Variants in DPYSL3 observed in about 807,000 individuals in gnomAD.
DPYSL3 encodes the protein dihydropyrimidinase like 3.
In DPYSL3, 16 loss-of-function variants were observed where a neutral mutation model predicts 66.1. The ratio of observed to expected loss-of-function variants is 0.24; its 90% confidence interval spans 0.16 to 0.37. The LOEUF (loss-of-function observed/expected upper bound fraction) is 0.37, where lower values mean the gene tolerates loss of function less well. Ranked by LOEUF, DPYSL3 falls within the 10% of genes least tolerant of loss-of-function variation. DPYSL3 has a pLI of 1.00. For synonymous variants in DPYSL3, 338 were observed against 345.1 expected (o/e 0.98, Z 0.23); for missense variants, 738 against 916.2 (o/e 0.81, Z 2.51).
chr5:147,464,611 G>A (rs1376785254), intron 1 of DPYSL3, among the ~76,000 whole-genome samples: 2 of 152,176 alleles, frequency 1.3e-5, no homozygotes, highest in African/African-American at 4.8e-5. Flanking sequence ...GTTCTTATAT[G>A]TACTAACTTG....
chr5:147,459,843 G>A (rs532587076), intron 1 of DPYSL3, among the ~76,000 whole-genome samples: 1 of 152,348 alleles, frequency 6.6e-6, no homozygotes, highest in South Asian at 2.1e-4. Context: ...GGGTGCTGTG[G>A]CTCACGCCTG....
intron 1 of DPYSL3, among the ~76,000 whole-genome samples, chr5:147,487,235 C>T (rs1205196754): frequency 6.6e-6 from 1 of 152,148 alleles, no homozygotes; most frequent in Non-Finnish European, 1.5e-5. Flanking sequence ...CCCCTTTCTC[C>T]TGTCTTTGTT....
chr5:147,475,150 A>G (rs1454677028), intron 1 of DPYSL3, among the ~76,000 whole-genome samples: 2 of 152,058 alleles, frequency 1.3e-5, no homozygotes, highest in African/African-American at 4.8e-5. Context: ...CCTGTAGGGG[A>G]ATGTTCATAG....
chr5:147,486,834 A>T (rs2126442403), intron 1 of DPYSL3, among the ~76,000 whole-genome samples: 1 of 152,326 alleles, frequency 6.6e-6, no homozygotes, highest in African/African-American at 2.4e-5. Context: ...AGATTTCCTG[A>T]ATGGTAAGCA....
rs1350559816 is a variant in DPYSL3, at chr5:147,509,427, G to A, written c.381+51C>T. ...TTGTGCCCGGGCCATGGCGGCCAGGGCTGGAGAAAGGAACGAAGGCAAGGA... is the reference window on the plus strand; with the variant it reads ...TTGTGCCCGGGCCATGGCGGCCAGGACTGGAGAAAGGAACGAAGGCAAGGA... On this transcript the variant is annotated intron_variant, in intron 1 of 13. Transcript: ENST00000343218. This position sits in a 1 kb window ranked among gnomAD's most constrained non-coding sequence, Gnocchi z 5.3. 5.5e-6 allele frequency: 8 copies of A among 1,460,904 alleles called. No homozygotes were observed. The highest frequency in any genetic ancestry group is 1.9e-4 in the Middle Eastern group (1 of 5,386). The allele number at this position is 1,460,904 out of a possible 1,614,324, so 90.5% of individuals were successfully genotyped here.
rs1418383158 is a variant in DPYSL3 at position 147,509,073 on chromosome 5, C to A, written c.381+405G>T. Among the ~76,000 whole-genome samples the A allele has an allele frequency of 5.3e-5, 8 of 152,094 alleles. No homozygotes were observed. Among genetic ancestry groups the A allele is most frequent in the African/African-American group, 1.9e-4 (8 of 41,428 alleles). On this transcript the variant is annotated intron_variant, in intron 1 of 13. Coordinates refer to ENST00000343218, the MANE Select transcript of DPYSL3 (RefSeq NM_001197294.2). The surrounding 1 kb of genome is among the most constrained non-coding windows in gnomAD (Gnocchi z 5.3). ...ATCACTTTGCCCTCTGCCGTGGTGA[C>A]CCGGGTTGAGATTTAATCTAGGGCC...
intron 1 of DPYSL3, among the ~76,000 whole-genome samples, chr5:147,448,525 A>C (rs1196710585): frequency 6.6e-6 from 1 of 152,208 alleles, no homozygotes; most frequent in East Asian, 1.9e-4. Context: ...TCTTTTATTA[A>C]TTTCCACATT....
rs1462808671 is a variant in DPYSL3 at position 147,392,847 on chromosome 5, T to C, written c.*1188A>G. ...GAAAGGTGGAACCAGGTCCACAAAA[T>C]GTGCTCCCTCTGCTCAAGACTGACT... is the stretch of plus-strand genomic sequence containing the variant. On this transcript the variant is annotated 3_prime_UTR_variant, in exon 14 of 14. Transcript: ENST00000343218. 6.6e-6 allele frequency: 1 copy of C among 152,236 alleles called. No individual in the cohort carries two copies. Among genetic ancestry groups the C allele is most frequent in the Non-Finnish European group, 1.5e-5 (1 of 68,044 alleles). 9.4% of individuals were successfully genotyped at this position (152,236 alleles called of 1,614,324 possible).
chr5:147,401,472 C>T (rs1758175425), intron 9 of DPYSL3, 68 bp downstream of exon 9: 2 of 1,507,954 alleles, frequency 1.3e-6, no homozygotes, highest in Admixed American at 2.2e-5. Context: ...TGCTCCTGTC[C>T]TCAACCCCCA....
intron 1 of DPYSL3, among the ~76,000 whole-genome samples, chr5:147,470,998 C>A (rs898359077): frequency 1.3e-5 from 2 of 152,148 alleles, no homozygotes; most frequent in Admixed American, 6.5e-5. Flanking sequence ...ATCACTGTAT[C>A]CCCAGTGCCC....
intron 1 of DPYSL3, among the ~76,000 whole-genome samples, chr5:147,442,623 T>C (rs1264726254): frequency 6.6e-6 from 1 of 152,142 alleles, no homozygotes; most frequent in Non-Finnish European, 1.5e-5. Flanking sequence ...ATTTTTGTTG[T>C]TAATGCAAAG....
intron 1 of DPYSL3, among the ~76,000 whole-genome samples, chr5:147,496,218 C>G (rs1581218693): frequency 1.3e-5 from 2 of 152,236 alleles, no homozygotes; most frequent in East Asian, 3.9e-4. Context: ...GAAACTGGAT[C>G]CCTTCCTTAC....
chr5:147,424,931 G>A lies in DPYSL3; in HGVS notation c.414C>T (p.Ile138=), dbSNP rs752329261. Residue 138 remains isoleucine (I), a synonymous_variant, in exon 2 of 14, where the codon ATC becomes ATT. Coordinates refer to ENST00000343218, the MANE Select transcript of DPYSL3 (RefSeq NM_001197294.2). ...CATAAAAGGACTGATCATCATTGAC[G>A]ATTCTGCCTCCCTTGATAAGGAGAC... is the stretch of plus-strand genomic sequence containing the variant. ...SDRLLIKGGR[I]VNDDQSFYAD... is the part of the protein sequence containing the mutation. The A allele has an allele frequency of 1.3e-5, 21 of 1,612,906 alleles. No homozygotes were observed. The highest frequency in any genetic ancestry group is 9.9e-5 in the South Asian group (9 of 90,916).
In DPYSL3 at chr5:147,471,124, A is replaced by C. The variant is rs996941699; in HGVS notation, c.381+38354T>G. On this transcript the variant is annotated intron_variant, in intron 1 of 13. Coordinates refer to ENST00000343218, the MANE Select transcript of DPYSL3 (RefSeq NM_001197294.2). ...CATACATGCATGCATACATACATACATAAAGAAACTCAAACCAAAGGCAAA... is the reference window on the plus strand; with the variant it reads ...CATACATGCATGCATACATACATACCTAAAGAAACTCAAACCAAAGGCAAA... Among the ~76,000 whole-genome samples the C allele has an allele frequency of 3.3e-5, 5 of 152,294 alleles. No homozygotes were observed. In the East Asian group the frequency reaches 7.7e-4, roughly 24 times the overall value.
rs537333317 is a variant in DPYSL3 at position 147,393,012 on chromosome 5, C to A, written c.*1023G>T. ...GTGCCAGGATCGAGAGAATCAAACA[C>A]AAACTGCCTGTAAGAGAGGCCCTTC... On this transcript the variant is annotated 3_prime_UTR_variant, in exon 14 of 14. Transcript: ENST00000343218. The A allele has an allele frequency of 2.2e-4, 34 of 152,336 alleles. No individual in the cohort carries two copies. Among genetic ancestry groups the A allele is most frequent in the African/African-American group, 8.2e-4 (34 of 41,584 alleles). The allele number at this position is 152,336 out of a possible 1,614,324, so 9.4% of individuals were successfully genotyped here. A position where few individuals can be genotyped will look rare whatever the true frequency, so the allele number is the denominator to read the frequency against.
At chr5:147,429,407 G>T (rs1449139215) in intron 1 of DPYSL3, among the ~76,000 whole-genome samples, 3 of 152,142 alleles carry the variant, frequency 2.0e-5, no homozygotes, top group Non-Finnish European at 4.4e-5. Context: ...ACCTCTCAGA[G>T]CATCGTTTTT....
At chr5:147,483,261 T>C (rs1342901933) in intron 1 of DPYSL3, among the ~76,000 whole-genome samples, 1 of 152,238 alleles carries the variant, frequency 6.6e-6, no homozygotes, top group Non-Finnish European at 1.5e-5. Flanking sequence ...GAATGCTTTT[T>C]AGTTAGAGCT....
chr5:147,415,578 C>T, intron 4 of DPYSL3, 131 bp downstream of exon 4: 2 of 1,063,614 alleles, frequency 1.9e-6, no homozygotes, highest in Non-Finnish European at 2.7e-6. Context: ...TTGTGTTATC[C>T]CTACATCCAG....
chr5:147,453,687 G>A (rs1205951329), intron 1 of DPYSL3: 6 of 1,416,118 alleles, frequency 4.2e-6, no homozygotes, highest in Middle Eastern at 2.3e-4. Context: ...ATCAGGTGGA[G>A]TGAATGGTGC....
Sources: allele counts gnomAD v4.1 joint callset (sites outside exome capture counted in the v4.1 genomes callset), GRCh38; gene constraint gnomAD v4.1.1; non-coding constraint Gnocchi (gnomAD v3.1); transcripts MANE v1.5; gene names NCBI Gene and HGNC (gene_info 2026-07-23, HGNC 2026-07-21).